Variants in TXNDC16 observed in about 807,000 individuals in gnomAD.
TXNDC16 encodes the protein thioredoxin domain containing 16.
Under a neutral mutation model 85.6 loss-of-function variants are expected in TXNDC16, and 74 were observed. The observed-to-expected ratio is 0.86, with a 90% CI of 0.72 to 1.05. TXNDC16 has a LOEUF of 1.05. Among genes scored for constraint, TXNDC16 ranks in the 50% least tolerant of loss-of-function variants. The pLI is 0.00. For synonymous variants in TXNDC16, 335 were observed against 326.5 expected, an observed-to-expected ratio of 1.03 and a Z score of -0.28; for missense variants, 959 against 947.0, an observed-to-expected ratio of 1.01 and a Z score of -0.17.
intron 9 of TXNDC16, among the ~76,000 whole-genome samples, chr14:52,501,560 C>T (rs1048529323): frequency 6.6e-6 from 1 of 152,094 alleles, no homozygotes; most frequent in Non-Finnish European, 1.5e-5. Flanking sequence ...TCTAAGATAA[C>T]AGGGGGAATG....
chr14:52,494,358 G>A (rs555241394), intron 9 of TXNDC16, among the ~76,000 whole-genome samples: 1 of 152,262 alleles, frequency 6.6e-6, no homozygotes, highest in African/African-American at 2.4e-5. Flanking sequence ...CTTTGAAGGA[G>A]CAAGCTGCAA....
At chr14:52,445,537 C>A (rs1354006142) in intron 18 of TXNDC16, among the ~76,000 whole-genome samples, 6 of 152,156 alleles carry the variant, frequency 3.9e-5, no homozygotes, top group Admixed American at 2.6e-4. Context: ...AATATGAAAG[C>A]AAACAACTAA....
chr14:52,432,683 A>G (rs2034932685), intron 20 of TXNDC16, 96 bp from the exon 21 acceptor site: 1 of 1,201,070 alleles, frequency 8.3e-7, no homozygotes, highest in South Asian at 2.0e-5. Context: ...ATATATTTGT[A>G]GAAGTGAAAG....
intron 16 of TXNDC16, among the ~76,000 whole-genome samples, chr14:52,458,543 T>C (rs1041395993): frequency 3.3e-5 from 5 of 150,248 alleles, no homozygotes; most frequent in African/African-American, 1.2e-4. Context: ...CGAGACTCTG[T>C]CTCAAAAAAA....
intron 16 of TXNDC16, among the ~76,000 whole-genome samples, chr14:52,460,276 A>G (rs1566539236): frequency 6.6e-6 from 1 of 152,188 alleles, no homozygotes; most frequent in Non-Finnish European, 1.5e-5. Flanking sequence ...AAATCAGAGA[A>G]AACACAAACA....
chr14:52,545,876 G>T (rs150324839), intron 1 of TXNDC16, among the ~76,000 whole-genome samples: 1 of 152,068 alleles, frequency 6.6e-6, no homozygotes, highest in Admixed American at 6.5e-5. Context: ...AAAGGCAAGG[G>T]AATGTGGGTG....
chr14:52,515,053 C>T (rs2037049959), intron 7 of TXNDC16, 83 bp from the exon 8 acceptor site: 4 of 975,886 alleles, frequency 4.1e-6, no homozygotes, highest in Middle Eastern at 2.2e-4. Flanking sequence ...GAATATTATC[C>T]TACACTCCTT....
chr14:52,457,255 G>T, intron 16 of TXNDC16, 81 bp from the exon 17 acceptor site: 1 of 705,460 alleles, frequency 1.4e-6, no homozygotes, highest in East Asian at 3.0e-5. Flanking sequence ...ATTTATAGGT[G>T]GTAGTATTTC....
intron 9 of TXNDC16, among the ~76,000 whole-genome samples, chr14:52,499,540 A>C (rs922154468): frequency 6.6e-6 from 1 of 152,046 alleles, no homozygotes; most frequent in African/African-American, 2.4e-5. Flanking sequence ...CAACATCACT[A>C]ATCATCGGGA....
At chr14:52,532,529 C>T (rs773706809) in intron 6 of TXNDC16, among the ~76,000 whole-genome samples, 7 of 152,152 alleles carry the variant, frequency 4.6e-5, no homozygotes, top group East Asian at 1.9e-4. Context: ...CTCCACCTCC[C>T]GGATTCACAC....
At chr14:52,529,079 A>G (rs1026564385) in intron 6 of TXNDC16, among the ~76,000 whole-genome samples, 1 of 150,642 alleles carries the variant, frequency 6.6e-6, no homozygotes, top group Non-Finnish European at 1.5e-5. Context: ...AACCAACCCA[A>G]ACGTCCAACA....
At chr14:52,505,338 A>C (rs1041959097) in intron 9 of TXNDC16, among the ~76,000 whole-genome samples, 8 of 152,208 alleles carry the variant, frequency 5.3e-5, no homozygotes, top group African/African-American at 1.9e-4. Context: ...ACTCCTCAGC[A>C]ATGTAAAAAA....
At chr14:52,463,481 C>A (rs1423544436) in intron 16 of TXNDC16, among the ~76,000 whole-genome samples, 5 of 152,254 alleles carry the variant, frequency 3.3e-5, no homozygotes, top group Middle Eastern at 3.4e-3. Context: ...GGCAGCCCCC[C>A]CAAACCAGAA....
intron 6 of TXNDC16, among the ~76,000 whole-genome samples, chr14:52,527,645 C>G (rs750505718): frequency 9.9e-5 from 15 of 152,126 alleles, no homozygotes; most frequent in Non-Finnish European, 1.9e-4. Flanking sequence ...CAGGTATAAG[C>G]ATCTGACTCT....
chr14:52,466,441 A>G lies in TXNDC16; in HGVS notation c.1618+3596T>C, dbSNP rs961195318. 3.4e-4 allele frequency among the ~76,000 whole-genome samples: 52 copies of G among 151,116 alleles called. 1 individual carries two copies. The highest frequency in any genetic ancestry group is 1.3e-4 in the Non-Finnish European group (9 of 67,880). On this transcript the variant is annotated intron_variant, in intron 16 of 20. Coordinates refer to ENST00000281741, the MANE Select transcript of TXNDC16 (RefSeq NM_020784.3). ...AGACTTCAAAAAAGAAATTAAAAGC[A>G]TCTTCCACAAGAGGGAGTCCAAATC... is the stretch of plus-strand genomic sequence containing the variant.
rs1400013578 is a variant in TXNDC16, at chr14:52,482,633, AT to A, written c.1252+188del. Among the ~76,000 whole-genome samples the A allele has an allele frequency of 2.6e-5, 4 of 152,294 alleles. No homozygotes were observed. The South Asian group carries it at 8.3e-4, about 32-fold the overall frequency. ...CATCTAGTTTAATCATTCACCTTTA[AT>A]TTGTAAATCAGATATAAATCAATTG... is the stretch of plus-strand genomic sequence containing the variant. On this transcript the variant is annotated intron_variant, in intron 13 of 20. Transcript: ENST00000281741.
chr14:52,461,092 CTTCT>C (rs1301123390), intron 16 of TXNDC16, among the ~76,000 whole-genome samples: 1 of 148,706 alleles, frequency 6.7e-6, no homozygotes. Context: ...CTTTAAATAA[CTTCT>C]TTTTTTCTCA....
rs766830208 is a variant in TXNDC16 at position 52,455,320 on chromosome 14, T to C, written c.1842+4A>G. ...GTATCACCCTTATTATAAAACATACTCACAAACATTTCCAGTAGTGCATCT... is the reference window on the plus strand; with the variant it reads ...GTATCACCCTTATTATAAAACATACCCACAAACATTTCCAGTAGTGCATCT... On this transcript the variant is annotated splice_donor_region_variant and intron_variant, in intron 18 of 20. Transcript: ENST00000281741. 18 of 1,613,354 alleles carry C rather than the reference T, an allele frequency of 1.1e-5. No individual in the cohort carries two copies. The highest frequency in any genetic ancestry group is 2.2e-5 in the East Asian group (1 of 44,874).
chr14:52,511,217 A>G (rs747091299), intron 9 of TXNDC16, 23 bp downstream of exon 9: 15 of 1,457,932 alleles, frequency 1.0e-5, no homozygotes, highest in Non-Finnish European at 1.4e-5. Flanking sequence ...AAAGCAAATA[A>G]AAATATAAAA....
Sources: gnomAD v4.1 joint callset for allele counts (sites outside exome capture counted in the v4.1 genomes callset) on GRCh38, gnomAD v4.1.1 for gene constraint, MANE v1.5 for transcripts, NCBI Gene and HGNC (gene_info 2026-07-23, HGNC 2026-07-21) for gene names.